Variants in PTPRT observed in about 807,000 individuals in gnomAD.
PTPRT encodes the protein receptor-type tyrosine-protein phosphatase T.
Under a neutral mutation model 176.8 loss-of-function variants are expected in PTPRT, and 56 were observed. The ratio of observed to expected loss-of-function variants is 0.32; its 90% confidence interval spans 0.26 to 0.40. The LOEUF is 0.40. PTPRT is among the 10% of genes least tolerant of loss of function. PTPRT has a pLI of 1.00. For synonymous variants in PTPRT, 783 were observed against 739.0 expected, an observed-to-expected ratio of 1.06 and a Z score of -0.96; for missense variants, 1,540 against 1,908.2, an observed-to-expected ratio of 0.81 and a Z score of 3.60.
chr20:42,205,588 A>T (rs2055435363), intron 15 of PTPRT, among the ~76,000 whole-genome samples: 1 of 152,272 alleles, frequency 6.6e-6, no homozygotes, highest in African/African-American at 2.4e-5. Context: ...GGCTAGGAAC[A>T]GGACCATCCA....
rs11086831 is a variant in PTPRT at position 42,350,225 on chromosome 20, T to TGTTGTTGTTTTG, written c.1865+402_1865+403insCAAAACAACAAC. On this transcript the variant is annotated intron_variant, in intron 11 of 30. Coordinates refer to ENST00000373187, the MANE Select transcript of PTPRT (RefSeq NM_007050.6). ...TTAGGATGTTTCTTGTTTTTTTTTT[T>TGTTGTTGTTTTG]TTTTTTTTTTTTTTTTTTTTTGAGA... Among the ~76,000 whole-genome samples the TGTTGTTGTTTTG allele has an allele frequency of 1.2e-3, 81 of 66,198 alleles. 4 individuals carry two copies. The highest frequency in any genetic ancestry group is 2.6e-3 in the African/African-American group (45 of 17,444). The allele number at this position is 66,198 out of a possible 152,430, so 43.4% of individuals were successfully genotyped here.
At chr20:42,034,917 A>G in the PTPRT span, among the ~76,000 whole-genome samples, 1 of 152,198 alleles carries the variant, frequency 6.6e-6, no homozygotes, top group Admixed American at 6.5e-5. Context: ...CATTCTCTCC[A>G]TGCAGAATCC....
rs772075752 is a variant in PTPRT at position 42,315,924 on chromosome 20, A to G, written c.1938T>C (p.Phe646=). 1 of 1,614,180 alleles carries G rather than the reference A, an allele frequency of 6.2e-7. No homozygotes were observed. Among genetic ancestry groups the G allele is most frequent in the Non-Finnish European group, 8.5e-7 (1 of 1,180,034 alleles). The part of the protein sequence containing the change: ...SRRAADIIEC[F]SVPVSYRNAS... ...CATTCCGATAGCTCACGGGCACCGA[A>G]AAGCACTCAATAATGTCAGCTGCCC... The change falls in exon 12 of 31, where the codon TTT becomes TTC. Residue 646 remains phenylalanine, a synonymous_variant. Transcript: ENST00000373187.
intron 2 of PTPRT, among the ~76,000 whole-genome samples, chr20:42,858,946 G>A (rs1166463130): frequency 1.1e-4 from 16 of 152,172 alleles, no homozygotes; most frequent in Non-Finnish European, 2.2e-4. Context: ...ACAAGTGGTT[G>A]GTACTAAATA....
chr20:42,305,071 G>C (rs2057524118), intron 12 of PTPRT, among the ~76,000 whole-genome samples: 3 of 152,070 alleles, frequency 2.0e-5, no homozygotes, highest in Non-Finnish European at 2.9e-5. Context: ...TTTATTCTAG[G>C]GCCTGGTGCA....
chr20:42,408,162 TGTATATGGAAGA>T (rs1342280494), intron 9 of PTPRT, among the ~76,000 whole-genome samples: 3 of 152,080 alleles, frequency 2.0e-5, no homozygotes, highest in Non-Finnish European at 4.4e-5. Context: ...TATTTTAAAG[TGTATATGGAAGA>T]GTATATGTCT....
intron 14 of PTPRT, among the ~76,000 whole-genome samples, chr20:42,243,382 C>A (rs2056393097): frequency 6.6e-6 from 1 of 152,154 alleles, no homozygotes; most frequent in Non-Finnish European, 1.5e-5. Flanking sequence ...GATAAATACA[C>A]AAATGAAGAC....
At chr20:43,187,517 G>A (rs2015425120) in intron 1 of PTPRT, among the ~76,000 whole-genome samples, 1 of 151,650 alleles carries the variant, frequency 6.6e-6, no homozygotes, top group Admixed American at 6.6e-5. Context: ...CCGTTAAACT[G>A]GAAAGGAGAG....
At chr20:42,039,648 G>A in the PTPRT span, among the ~76,000 whole-genome samples, 2 of 131,688 alleles carry the variant, frequency 1.5e-5, no homozygotes, top group African/African-American at 2.7e-5. Context: ...TATTTCAAAT[G>A]ATGAGATTTC....
At chr20:43,089,870 A>T (rs2011752943) in intron 1 of PTPRT, among the ~76,000 whole-genome samples, 1 of 152,202 alleles carries the variant, frequency 6.6e-6, no homozygotes, top group South Asian at 2.1e-4. Flanking sequence ...GATCCTTAAC[A>T]ATCTTCCAAG....
At chr20:43,100,041 G>T (rs542799806) in intron 1 of PTPRT, among the ~76,000 whole-genome samples, 1 of 152,294 alleles carries the variant, frequency 6.6e-6, no homozygotes, top group Middle Eastern at 3.4e-3. Flanking sequence ...ATAGAGGGAG[G>T]TTTACCTGTG....
At chr20:42,847,842 A>T (rs1012450058) in intron 2 of PTPRT, among the ~76,000 whole-genome samples, 13 of 152,032 alleles carry the variant, frequency 8.6e-5, no homozygotes, top group Non-Finnish European at 1.3e-4. Flanking sequence ...TCTTTAAAAA[A>T]TTTTTTCCAT....
chr20:42,527,109 G>A lies in PTPRT; in HGVS notation c.1154-54547C>T, dbSNP rs926459951. 5.9e-4 allele frequency among the ~76,000 whole-genome samples: 90 copies of A among 151,508 alleles called. 1 individual carries two copies. The highest frequency in any genetic ancestry group is 2.1e-3 in the African/African-American group (85 of 41,406). ...CTCCCAAGTGACTGGGACTACAGGC[G>A]CCTGCCACTATGTCCAGCTAATTTT... is the stretch of plus-strand genomic sequence containing the variant. On this transcript the variant is annotated intron_variant, in intron 7 of 30. Coordinates refer to ENST00000373187, the MANE Select transcript of PTPRT (RefSeq NM_007050.6).
intron 7 of PTPRT, among the ~76,000 whole-genome samples, chr20:42,609,101 T>G (rs1421165121): frequency 6.6e-6 from 1 of 151,466 alleles, no homozygotes; most frequent in Non-Finnish European, 1.5e-5. Context: ...TGAGACAGAG[T>G]CTCCTTCTGT....
At chr20:42,806,352 C>T (rs57394208) in intron 2 of PTPRT, among the ~76,000 whole-genome samples, 41,707 of 151,660 alleles carry the variant, frequency 0.28, 6,913 homozygotes, top group Non-Finnish European at 0.38. Flanking sequence ...TGCATGGTGG[C>T]GCACGATTGT....
intron 1 of PTPRT, among the ~76,000 whole-genome samples, chr20:43,184,717 A>T (rs1465102365): frequency 6.6e-6 from 1 of 151,222 alleles, no homozygotes; most frequent in Non-Finnish European, 1.5e-5. Context: ...AATGATCACC[A>T]TGCCTCACTG....
chr20:42,854,951 C>A (rs16987493), intron 2 of PTPRT, among the ~76,000 whole-genome samples: 1 of 152,118 alleles, frequency 6.6e-6, no homozygotes, highest in Non-Finnish European at 1.5e-5. Context: ...AGTTTGAAGG[C>A]GCTCACTACT....
intron 17 of PTPRT, among the ~76,000 whole-genome samples, chr20:42,149,106 G>A (rs992887547): frequency 6.6e-6 from 1 of 152,198 alleles, no homozygotes; most frequent in African/African-American, 2.4e-5. Context: ...TTCACCTCCA[G>A]GAGGTGTGTC....
At chr20:42,400,977 G>T (rs1032091264) in intron 9 of PTPRT, among the ~76,000 whole-genome samples, 8 of 151,988 alleles carry the variant, frequency 5.3e-5, no homozygotes, top group Middle Eastern at 3.2e-3. Context: ...GTGGGTTTCG[G>T]GAGGAGGGTG....
Sources: allele counts gnomAD v4.1 joint callset (sites outside exome capture counted in the v4.1 genomes callset), GRCh38; gene constraint gnomAD v4.1.1; transcripts MANE v1.5; gene names NCBI Gene and HGNC (gene_info 2026-07-23, HGNC 2026-07-21).